Variants in SLC4A10 observed in about 807,000 individuals in gnomAD.
SLC4A10 encodes sodium-driven chloride bicarbonate exchanger.
SLC4A10 carries 42 observed loss-of-function variants against 137.7 expected under a neutral mutation model. The ratio of observed to expected loss-of-function variants is 0.30; its 90% confidence interval spans 0.24 to 0.39. The LOEUF is 0.39. Among genes scored for constraint, SLC4A10 ranks in the 10% least tolerant of loss-of-function variants. SLC4A10 has a pLI of 1.00. For missense variants in SLC4A10, 925 were observed against 1,355.0 expected (o/e 0.68, Z 4.98); for synonymous variants, 474 against 464.1 (o/e 1.02, Z -0.27).
chr2:161,833,533 T>C (rs2125752728), intron 3 of SLC4A10, among the ~76,000 whole-genome samples: 1 of 152,316 alleles, frequency 6.6e-6, no homozygotes, highest in East Asian at 1.9e-4. Flanking sequence ...GAAAAGTTCT[T>C]TCACCCTTAT....
At chr2:161,719,929 T>C (rs1379672259) in intron 1 of SLC4A10, among the ~76,000 whole-genome samples, 1 of 152,246 alleles carries the variant, frequency 6.6e-6, no homozygotes, top group East Asian at 1.9e-4. Flanking sequence ...TTGGCTTTTG[T>C]TGCCATTGCG....
intron 1 of SLC4A10, among the ~76,000 whole-genome samples, chr2:161,744,845 C>A (rs1374849922): frequency 6.6e-6 from 1 of 152,078 alleles, no homozygotes; most frequent in African/African-American, 2.4e-5. Flanking sequence ...ATAGGTTTAT[C>A]TTTTAGTCTT....
In SLC4A10 at chr2:161,746,221, G is replaced by C. The variant is rs140462049; in HGVS notation, c.49-24752G>C. ...GTGGATCTAGAAATGCCATCCAGGA[G>C]TTAGGGCCTGGGTTTGGAGGTTTAG... is the stretch of plus-strand genomic sequence containing the variant. On this transcript the variant is annotated intron_variant, in intron 1 of 26. Transcript: ENST00000446997. Among the ~76,000 whole-genome samples, 302 of 152,194 alleles carry C rather than the reference G, an allele frequency of 2.0e-3. 1 individual carries two copies. The highest frequency in any genetic ancestry group is 6.8e-3 in the African/African-American group (283 of 41,540).
rs73003489 is a variant in SLC4A10 at position 161,718,895 on chromosome 2, T to C, written c.49-52078T>C. Among the ~76,000 whole-genome samples, 954 of 152,238 alleles carry C rather than the reference T, an allele frequency of 6.3e-3. 7 individuals are homozygous for C. Among genetic ancestry groups the C allele is most frequent in the African/African-American group, 0.022 (906 of 41,556 alleles). On this transcript the variant is annotated intron_variant, in intron 1 of 26. Transcript: ENST00000446997. Reference sequence around the variant, plus strand: ...TAATATTGACAGCAGGGTGTTATTATCTCCCACTGTTTTTTTTATTATTAT... The same window carrying C: ...TAATATTGACAGCAGGGTGTTATTACCTCCCACTGTTTTTTTTATTATTAT...
rs1021834405 is a variant in SLC4A10 at position 161,661,371 on chromosome 2, A to C, written c.48+36805A>C. On this transcript the variant is annotated intron_variant, in intron 1 of 26. Transcript: ENST00000446997. ...ACGCCTGTAGTCCCAGCTACTCTGG[A>C]GGCTGAGGCAGGAGAATCACTTGAA... is the stretch of plus-strand genomic sequence containing the variant. 7.2e-5 allele frequency among the ~76,000 whole-genome samples: 11 copies of C among 152,216 alleles called. 1 individual carries two copies. The highest frequency in any genetic ancestry group is 7.2e-4 in the Admixed American group (11 of 15,288).
At chr2:161,682,364 A>G (rs2040951406) in intron 1 of SLC4A10, among the ~76,000 whole-genome samples, 1 of 152,116 alleles carries the variant, frequency 6.6e-6, no homozygotes, top group East Asian at 1.9e-4. Context: ...GTGAGTATAC[A>G]TTATGTTTTT....
chr2:161,796,661 T>C (rs2054805885), intron 2 of SLC4A10, among the ~76,000 whole-genome samples: 1 of 152,240 alleles, frequency 6.6e-6, no homozygotes, highest in South Asian at 2.1e-4. Context: ...ACATTATCTA[T>C]GTATTTTTCA....
intron 3 of SLC4A10, among the ~76,000 whole-genome samples, chr2:161,813,347 T>C (rs550439601): frequency 1.3e-5 from 2 of 152,252 alleles, no homozygotes; most frequent in African/African-American, 4.8e-5. Context: ...ATCACACTTA[T>C]CCAAATGCCC....
At chr2:161,981,123 G>A (rs1265820030) in intron 26 of SLC4A10, among the ~76,000 whole-genome samples, 1 of 152,236 alleles carries the variant, frequency 6.6e-6, no homozygotes, top group African/African-American at 2.4e-5. Flanking sequence ...GCAGAGTCAG[G>A]AGGAAGCACA....
At chr2:161,660,038 T>C (rs928164316) in intron 1 of SLC4A10, among the ~76,000 whole-genome samples, 1 of 142,004 alleles carries the variant, frequency 7.0e-6, no homozygotes, top group Non-Finnish European at 1.5e-5. Context: ...TCACTGCTAA[T>C]AGGCACAGAG....
chr2:161,897,442 C>T (rs956361556), intron 11 of SLC4A10, among the ~76,000 whole-genome samples: 1 of 152,022 alleles, frequency 6.6e-6, no homozygotes, highest in African/African-American at 2.4e-5. Flanking sequence ...ATTGACCCAG[C>T]CCTGGAATTA....
At chr2:161,650,158 A>G (rs1324998195) in intron 1 of SLC4A10, among the ~76,000 whole-genome samples, 1 of 151,772 alleles carries the variant, frequency 6.6e-6, no homozygotes, top group South Asian at 2.1e-4. Flanking sequence ...TGACAGTTTC[A>G]CTCTTCCTTT....
At position 161,944,332 on chromosome 2, in the gene SLC4A10, C is replaced by T. The variant is rs570796706; in HGVS notation, c.2103+1435C>T. Among the ~76,000 whole-genome samples the T allele has an allele frequency of 2.3e-4, 35 of 151,780 alleles. No individual in the cohort carries two copies. In the South Asian group the frequency reaches 6.2e-3, roughly 27 times the overall value. ...TTGATGTCTTCTTCAATATGAAAAC[C>T]CAAATGATCCCATCTCTAAGTTATA... On this transcript the variant is annotated intron_variant, in intron 16 of 26. Transcript: ENST00000446997.
chr2:161,768,351 C>G (rs1323627182), intron 1 of SLC4A10, among the ~76,000 whole-genome samples: 3 of 152,020 alleles, frequency 2.0e-5, no homozygotes, highest in African/African-American at 7.2e-5. Context: ...AGTTCAGAGA[C>G]AGTGTCCAGT....
chr2:161,900,801 C>A, intron 11 of SLC4A10, 110 bp from the exon 12 acceptor site: 1 of 710,930 alleles, frequency 1.4e-6, no homozygotes, highest in South Asian at 2.1e-5. Context: ...AGCCTGGGTT[C>A]TCAGCTATTG....
intron 1 of SLC4A10, among the ~76,000 whole-genome samples, chr2:161,652,207 T>C (rs1397035483): frequency 6.6e-6 from 1 of 152,244 alleles, no homozygotes; most frequent in African/African-American, 2.4e-5. Flanking sequence ...TCATTATTTG[T>C]ACTTTTTGTT....
At chr2:161,901,372 G>T (rs1683068469) in intron 12 of SLC4A10, among the ~76,000 whole-genome samples, 2 of 152,146 alleles carry the variant, frequency 1.3e-5, no homozygotes, top group African/African-American at 4.8e-5. Context: ...ACTCAGTCTT[G>T]TAGGCCCTAT....
chr2:161,846,838 A>C (rs994789624), intron 4 of SLC4A10, among the ~76,000 whole-genome samples: 1 of 152,164 alleles, frequency 6.6e-6, no homozygotes, highest in African/African-American at 2.4e-5. Context: ...GAGGATTGAG[A>C]ATATAAAGGT....
intron 16 of SLC4A10, among the ~76,000 whole-genome samples, chr2:161,944,024 T>C (rs1693238696): frequency 6.6e-6 from 1 of 151,918 alleles, no homozygotes; most frequent in South Asian, 2.1e-4. Context: ...ATTCTTACCC[T>C]AGCTGTGTTC....
Sources: gnomAD v4.1 joint callset for allele counts (sites outside exome capture counted in the v4.1 genomes callset) on GRCh38, gnomAD v4.1.1 for gene constraint, MANE v1.5 for transcripts, NCBI Gene and HGNC (gene_info 2026-07-23, HGNC 2026-07-21) for gene names.